DIDO1: variants seen among roughly 807,000 people sequenced by gnomAD.
DIDO1 encodes the protein death-inducer obliterator 1.
In DIDO1, 16 loss-of-function variants were observed where a neutral mutation model predicts 99.4. The observed-to-expected ratio is 0.16, with a 90% confidence interval of 0.11 to 0.24. The LOEUF is 0.24. DIDO1 is among the 10% of genes least tolerant of loss of function. The pLI, the probability that DIDO1 is intolerant of heterozygous loss-of-function variation, is 1.00. For missense variants in DIDO1, 2,996 were observed against 3,014.0 expected (o/e 0.99, Z 0.14); for synonymous variants, 1,366 against 1,239.1 (o/e 1.10, Z -2.15).
At chr20:62,932,216 G>A (rs1255992843) in intron 1 of DIDO1, among the ~76,000 whole-genome samples, 1 of 152,224 alleles carries the variant, frequency 6.6e-6, no homozygotes, top group African/African-American at 2.4e-5. Flanking sequence ...TGTAGGGCCA[G>A]GCACGGTGGC....
At chr20:62,936,740 T>C (rs1223769845) in intron 1 of DIDO1, among the ~76,000 whole-genome samples, 2 of 151,792 alleles carry the variant, frequency 1.3e-5, no homozygotes, top group East Asian at 3.9e-4. Flanking sequence ...GGTGCGCCCC[T>C]GTGGTCCCAG....
chr20:62,881,762 G>A lies in DIDO1; in HGVS notation c.4194C>T (p.Asp1398=). 6.2e-7 allele frequency: 1 copy of A among 1,613,278 alleles called. No individual in the cohort carries two copies. The highest frequency in any genetic ancestry group is 8.5e-7 in the Non-Finnish European group (1 of 1,180,032). ...EEEYDPERAF[D]TQLVERGRRH... The stretch of plus-strand genomic sequence containing the variant: ...GCCGCCCTCGCTCCACAAGCTGAGT[G>A]TCGAAGGCCCTCTCCGGGTCGTACT... The change falls in exon 16 of 16, where the codon GAC becomes GAT. Residue 1398 remains aspartate (D), a synonymous_variant. Transcript: ENST00000395343. This position sits in a 1 kb window ranked among gnomAD's most constrained non-coding sequence, Gnocchi z 8.3.
chr20:62,891,657 C>T (rs1353454984), intron 14 of DIDO1, among the ~76,000 whole-genome samples: 1 of 152,148 alleles, frequency 6.6e-6, no homozygotes, highest in Non-Finnish European at 1.5e-5. Context: ...TAAAACGTAT[C>T]TATTTCTTCC....
At chr20:62,922,137 TATAC>T (rs2065161139) in intron 1 of DIDO1, among the ~76,000 whole-genome samples, 1 of 146,928 alleles carries the variant, frequency 6.8e-6, no homozygotes, top group African/African-American at 2.6e-5. Flanking sequence ...TATATACATA[TATAC>T]ACACACACAC....
At position 62,887,567 on chromosome 20, in the gene DIDO1, G is replaced by A. The variant is rs547204708; in HGVS notation, c.3541+3393C>T. ...GACTGTGCACCCATGTTTATGGACC[G>A]AGGTTACTCCACAGGCATTTCAGAC... On this transcript the variant is annotated intron_variant, in intron 15 of 15. Coordinates refer to ENST00000395343, the MANE Select transcript of DIDO1 (RefSeq NM_001193369.2). The A allele has an allele frequency of 1.1e-4, 112 of 985,322 alleles. 1 individual carries two copies. The highest frequency in any genetic ancestry group is 1.0e-3 in the Middle Eastern group (2 of 1,936). The allele number at this position is 985,322 out of a possible 1,614,324, so 61.0% of individuals were successfully genotyped here.
Position 62,895,031 on chromosome 20 carries a change from G to T in DIDO1, c.2331+18C>A, listed in dbSNP as rs778549239. 1.2e-6 allele frequency: 2 copies of T among 1,601,028 alleles called. No individual in the cohort carries two copies. Among genetic ancestry groups the T allele is most frequent in the South Asian group, 2.2e-5 (2 of 90,858 alleles). ...GCTCGAGTCCTGGGTGCCTCCGCAG[G>T]TACCCCTCAGCACTCACAGATCTCG... On this transcript the variant is annotated intron_variant, in intron 9 of 15. Coordinates refer to ENST00000395343, the MANE Select transcript of DIDO1 (RefSeq NM_001193369.2).
At chr20:62,897,629 AGCCCTCAG>A (rs1479217680) in intron 6 of DIDO1, among the ~76,000 whole-genome samples, 3 of 152,272 alleles carry the variant, frequency 2.0e-5, no homozygotes, top group African/African-American at 7.2e-5. Flanking sequence ...GTCCATTCAC[AGCCCTCAG>A]GCTGTAATTC....
At chr20:62,907,917 G>A (rs2064842693) in intron 4 of DIDO1, among the ~76,000 whole-genome samples, 1 of 152,168 alleles carries the variant, frequency 6.6e-6, no homozygotes, top group African/African-American at 2.4e-5. Flanking sequence ...CAATGAAATC[G>A]GAATGTCAGA....
At chr20:62,891,388 C>T (rs1279501160) in intron 14 of DIDO1, among the ~76,000 whole-genome samples, 3 of 152,204 alleles carry the variant, frequency 2.0e-5, no homozygotes, top group Non-Finnish European at 4.4e-5. Context: ...GAGGAACCAG[C>T]TGCATGATCT....
In DIDO1 at chr20:62,883,026, G is replaced by A. The variant is rs563804362; in HGVS notation, c.3542-612C>T. Among the ~76,000 whole-genome samples, 4 of 145,456 alleles carry A rather than the reference G, an allele frequency of 2.7e-5. No individual in the cohort carries two copies. In the South Asian group the frequency reaches 8.8e-4, roughly 32 times the overall value. On this transcript the variant is annotated intron_variant, in intron 15 of 15. Coordinates refer to ENST00000395343, the MANE Select transcript of DIDO1 (RefSeq NM_001193369.2). Reference sequence around the variant, plus strand: ...TAACCTCTGCTTTCCAGGTTCAGGAGAATTCTCCTGTCTCAGCCTCCTGAG... The same window carrying A: ...TAACCTCTGCTTTCCAGGTTCAGGAAAATTCTCCTGTCTCAGCCTCCTGAG...
intron 6 of DIDO1, among the ~76,000 whole-genome samples, chr20:62,903,413 T>A (rs1721427608): frequency 6.6e-6 from 1 of 152,152 alleles, no homozygotes; most frequent in East Asian, 1.9e-4. Flanking sequence ...GAGGCAAGTG[T>A]GAGTCAGCTC....
intron 6 of DIDO1, among the ~76,000 whole-genome samples, chr20:62,903,044 T>A (rs1419774527): frequency 6.6e-6 from 1 of 151,764 alleles, no homozygotes. Context: ...ACAGTGGAAA[T>A]AAAGAGAAAA....
At chr20:62,929,758 G>GTTTT (rs35776708), upstream of DIDO1, among the ~76,000 whole-genome samples, 2 of 126,052 alleles carry the variant, frequency 1.6e-5, no homozygotes, top group African/African-American at 6.4e-5. Flanking sequence ...CCACTGTTTT[G>GTTTT]TTTTTTTTTT....
chr20:62,903,458 A>G (rs1043039307), intron 6 of DIDO1, among the ~76,000 whole-genome samples: 1 of 152,046 alleles, frequency 6.6e-6, no homozygotes, highest in Non-Finnish European at 1.5e-5. Flanking sequence ...TCACTTCCAA[A>G]CTCACCCCCT....
Position 62,911,764 on chromosome 20 carries a change from G to C in DIDO1, c.-2-150C>G, listed in dbSNP as rs187425281. On this transcript the variant is annotated intron_variant, in intron 2 of 15. Coordinates refer to ENST00000395343, the MANE Select transcript of DIDO1 (RefSeq NM_001193369.2). This position sits in a 1 kb window ranked among gnomAD's most constrained non-coding sequence, Gnocchi z 7.0. ...TTCTGACCAGTGTTTCCTAATGTGT[G>C]CTATGTGAGATGATTCAAGATGATT... The C allele has an allele frequency of 1.7e-6, 1 of 602,072 alleles. No homozygotes were observed. The highest frequency in any genetic ancestry group is 1.9e-5 in the African/African-American group (1 of 53,012). The allele number at this position is 602,072 out of a possible 1,614,324, so 37.3% of individuals were successfully genotyped here. A position where few individuals can be genotyped will look rare whatever the true frequency, so the allele number is the denominator to read the frequency against.
In DIDO1 at chr20:62,880,339, T is replaced by A; in HGVS notation, c.5617A>T (p.Thr1873Ser). 6.2e-7 allele frequency: 1 copy of A among 1,612,836 alleles called. No individual in the cohort carries two copies. Among genetic ancestry groups the A allele is most frequent in the Non-Finnish European group, 8.5e-7 (1 of 1,180,000 alleles). The part of the protein sequence containing the change: ...VTGAPAQFEG[T>S]EQAPFLGSRG... The stretch of plus-strand genomic sequence containing the variant: ...CTTCCCAGAAATGGGGCTTGCTCTG[T>A]CCCTTCAAACTGGGCGGGGGCGCCC... Residue 1873 changes from threonine (T) to serine (S), a missense_variant, in exon 16 of 16, where the codon ACA becomes TCA. Around this residue, in one of 5 missense-constraint regions of DIDO1, gnomAD observed 1,562 missense variants for 1,412.6 expected, o/e 1.11. Coordinates refer to ENST00000395343, the MANE Select transcript of DIDO1 (RefSeq NM_001193369.2).
intron 15 of DIDO1, chr20:62,889,046 C>T (rs1052332431): frequency 7.1e-6 from 7 of 985,390 alleles, no homozygotes; most frequent in Non-Finnish European, 8.4e-6. Flanking sequence ...CGTCAGGCGG[C>T]GTCGTGGCCT....
upstream of DIDO1, among the ~76,000 whole-genome samples, chr20:62,926,786 CGGAA>C (rs1337115063): frequency 1.9e-3 from 284 of 152,344 alleles, 1 homozygote; most frequent in African/African-American, 6.5e-3. Context: ...AGGGCGCAGG[CGGAA>C]CGTGGATGCT....
In DIDO1 at chr20:62,911,276, C is replaced by CCT; in HGVS notation, c.335_336dup (p.Gly113ArgfsTer21). 1 of 1,612,658 alleles carries CCT rather than the reference C, an allele frequency of 6.2e-7. No homozygotes were observed. Among genetic ancestry groups the CCT allele is most frequent in the Non-Finnish European group, 8.5e-7 (1 of 1,180,026 alleles). Reference sequence around the variant, plus strand: ...GTCTCAGAAGCGCTTTCCACGCTGCCCTCGGAGGCTGTCTCGGCGTCTGTG... The same window carrying CCT: ...GTCTCAGAAGCGCTTTCCACGCTGCCCTCTCGGAGGCTGTCTCGGCGTCTGTG... On this transcript the variant is annotated frameshift_variant, in exon 3 of 16. Transcript: ENST00000395343. LOFTEE classifies it high-confidence loss of function. The surrounding 1 kb of genome is among the most constrained non-coding windows in gnomAD (Gnocchi z 7.0).
Sources: allele counts gnomAD v4.1 joint callset (sites outside exome capture counted in the v4.1 genomes callset), GRCh38; gene constraint gnomAD v4.1.1; regional missense constraint gnomAD v4.1.1; non-coding constraint Gnocchi (gnomAD v3.1); transcripts MANE v1.5; gene names NCBI Gene and HGNC (gene_info 2026-07-23, HGNC 2026-07-21).